Variants in GSK3B observed in about 807,000 individuals in gnomAD.
The protein encoded by GSK3B is glycogen synthase kinase-3 beta.
GSK3B carries 15 observed loss-of-function variants against 56.4 expected under a neutral mutation model. The observed-to-expected ratio is 0.27, with a 90% CI of 0.18 to 0.41. The LOEUF (loss-of-function observed/expected upper bound fraction) is 0.41. Ranked by LOEUF, GSK3B falls within the 10% of genes least tolerant of loss-of-function variation. The pLI is 1.00. For synonymous variants in GSK3B, 181 were observed against 188.9 expected, an observed-to-expected ratio of 0.96 and a Z score of 0.34; for missense variants, 300 against 513.4, an observed-to-expected ratio of 0.58 and a Z score of 4.02.
chr3:119,958,060 G>A (rs1300812537), intron 2 of GSK3B, among the ~76,000 whole-genome samples: 1 of 152,126 alleles, frequency 6.6e-6, no homozygotes, highest in Non-Finnish European at 1.5e-5. Flanking sequence ...GGAAGTGACT[G>A]GGAGAGATGG....
intron 7 of GSK3B, among the ~76,000 whole-genome samples, chr3:119,897,340 T>C (rs898775652): frequency 1.3e-5 from 2 of 152,170 alleles, no homozygotes; most frequent in African/African-American, 4.8e-5. Flanking sequence ...GAAAACATTA[T>C]ACTAATGTTG....
At chr3:119,827,054 T>C (rs1020928856) in intron 10 of GSK3B, among the ~76,000 whole-genome samples, 199 bp from the exon 11 acceptor site, 5 of 152,220 alleles carry the variant, frequency 3.3e-5, no homozygotes, top group Non-Finnish European at 7.3e-5. Flanking sequence ...AGCATGGTCC[T>C]GGTACCGGGA....
intron 2 of GSK3B, among the ~76,000 whole-genome samples, chr3:119,984,556 A>G (rs9810851): frequency 0.018 from 2,750 of 152,308 alleles, 90 homozygotes; most frequent in African/African-American, 0.063. Context: ...CCACAGAAAT[A>G]CAAACTACCA....
intron 10 of GSK3B, among the ~76,000 whole-genome samples, chr3:119,832,133 A>G (rs2055611719): frequency 6.6e-6 from 1 of 152,232 alleles, no homozygotes; most frequent in Non-Finnish European, 1.5e-5. Flanking sequence ...TGGCTTCTGC[A>G]TTGCCTTCTT....
chr3:119,862,120 A>C (rs1443986073), intron 9 of GSK3B, among the ~76,000 whole-genome samples: 2 of 151,612 alleles, frequency 1.3e-5, no homozygotes, highest in South Asian at 2.1e-4. Flanking sequence ...ACTTGGAACC[A>C]ACCCAAATGT....
At position 120,007,723 on chromosome 3, in the gene GSK3B, C is replaced by G. The variant is rs143565728; in HGVS notation, c.89-5484G>C. On this transcript the variant is annotated intron_variant, in intron 1 of 10. Transcript: ENST00000264235. ...CATTCAACAAAATTCAACAGCCTTT[C>G]ATACTAAAAACTTTCAATAAACTTG... is the stretch of plus-strand genomic sequence containing the variant. Among the ~76,000 whole-genome samples, 608 of 152,302 alleles carry G rather than the reference C, an allele frequency of 4.0e-3. 1 individual carries two copies. Among genetic ancestry groups the G allele is most frequent in the Non-Finnish European group, 6.4e-3 (436 of 68,024 alleles).
chr3:119,924,329 C>A (rs555511128), intron 3 of GSK3B, among the ~76,000 whole-genome samples: 1 of 152,302 alleles, frequency 6.6e-6, no homozygotes, highest in African/African-American at 2.4e-5. Flanking sequence ...CATGTTCAAG[C>A]ATAGGCTTGG....
At chr3:120,072,200 T>G (rs73177903) in intron 1 of GSK3B, among the ~76,000 whole-genome samples, 4,829 of 152,320 alleles carry the variant, frequency 0.032, 104 homozygotes, top group Non-Finnish European at 0.046. Flanking sequence ...AAAAGTTCGA[T>G]TCAGAGGCAC....
intron 8 of GSK3B, among the ~76,000 whole-genome samples, chr3:119,865,467 T>TATATATATATATATATATATATA (rs1491089884): frequency 1.4e-4 from 3 of 21,016 alleles, no homozygotes; most frequent in Non-Finnish European, 2.7e-4. Flanking sequence ...TATATATATA[T>TATATATATATATATATATATATA]TTTTTTTTTT....
rs1279781999 is a variant in GSK3B at position 119,931,893 on chromosome 3, C to T, written c.367-8410G>A. On this transcript the variant is annotated intron_variant, in intron 3 of 10. Transcript: ENST00000264235. ...TATTTCTCTCTATGACTCAGTTTTC[C>T]TAGTTATTAATTTTATTAATAAACT... is the stretch of plus-strand genomic sequence containing the variant. Among the ~76,000 whole-genome samples the T allele has an allele frequency of 7.9e-5, 12 of 152,036 alleles. 1 individual carries two copies. Among genetic ancestry groups the T allele is most frequent in the Admixed American group, 7.9e-4 (12 of 15,272 alleles).
chr3:120,073,106 A>ACTGC (rs776551117), intron 1 of GSK3B, among the ~76,000 whole-genome samples: 37 of 151,598 alleles, frequency 2.4e-4, no homozygotes, highest in Non-Finnish European at 3.7e-4. Context: ...AGTGATCCTG[A>ACTGC]CTGAGCTCTG....
At chr3:119,826,907 A>C in intron 10 of GSK3B, 52 bp from the exon 11 acceptor site, 1 of 1,078,206 alleles carries the variant, frequency 9.3e-7, no homozygotes, top group Non-Finnish European at 1.4e-6. Context: ...ATAACAACAA[A>C]AGAGAACAAG....
chr3:120,037,500 C>T (rs1039083699), intron 1 of GSK3B, among the ~76,000 whole-genome samples: 1 of 151,934 alleles, frequency 6.6e-6, no homozygotes, highest in Non-Finnish European at 1.5e-5. Context: ...AAGAAACAAT[C>T]CTAAATATAT....
intron 7 of GSK3B, among the ~76,000 whole-genome samples, chr3:119,889,112 CAT>C (rs760754045): frequency 6.6e-6 from 1 of 152,072 alleles, no homozygotes; most frequent in East Asian, 1.9e-4. Context: ...CCCTATGAAA[CAT>C]GTGATCTTGG....
At chr3:119,870,977 T>G (rs1228029423) in intron 8 of GSK3B, among the ~76,000 whole-genome samples, 1 of 152,104 alleles carries the variant, frequency 6.6e-6, no homozygotes, top group African/African-American at 2.4e-5. Flanking sequence ...TTGGCAGCAA[T>G]TTTTGTTTTG....
Position 119,824,424 on chromosome 3 carries a change from G to A in GSK3B, c.*2364C>T, listed in dbSNP as rs533878456. The A allele has an allele frequency of 4.6e-6, 1 of 216,482 alleles. No homozygotes were observed. Among genetic ancestry groups the A allele is most frequent in the Non-Finnish European group, 9.3e-6 (1 of 107,468 alleles). The allele number at this position is 216,482 out of a possible 1,614,324, so 13.4% of individuals were successfully genotyped here. ...CTCTTCTTTTACCCCAGTTGTGGGG[G>A]GCAACCTGTTTCCTAAAATAAGCAC... On this transcript the variant is annotated 3_prime_UTR_variant, in exon 11 of 11. Coordinates refer to ENST00000264235, the MANE Select transcript of GSK3B (RefSeq NM_001146156.2).
chr3:120,085,016 G>A (rs2058451573), intron 1 of GSK3B, among the ~76,000 whole-genome samples: 1 of 152,116 alleles, frequency 6.6e-6, no homozygotes, highest in Admixed American at 6.6e-5. Context: ...ACCTATGAAA[G>A]GACACATAAG....
intron 10 of GSK3B, among the ~76,000 whole-genome samples, chr3:119,840,534 A>G (rs1434496788): frequency 6.6e-6 from 1 of 152,242 alleles, no homozygotes; most frequent in East Asian, 1.9e-4. Context: ...GAGGACATAT[A>G]TATTTTAAGG....
intron 3 of GSK3B, among the ~76,000 whole-genome samples, chr3:119,936,793 T>A (rs1211789731): frequency 6.6e-6 from 1 of 151,978 alleles, no homozygotes; most frequent in African/African-American, 2.4e-5. Flanking sequence ...GTACAATAGT[T>A]GGAGACTTCA....
Sources: allele counts gnomAD v4.1 joint callset (sites outside exome capture counted in the v4.1 genomes callset), GRCh38; gene constraint gnomAD v4.1.1; transcripts MANE v1.5; gene names NCBI Gene and HGNC (gene_info 2026-07-23, HGNC 2026-07-21).